Variants in WDPCP observed in about 807,000 individuals in gnomAD.
The protein encoded by WDPCP is WD repeat-containing and planar cell polarity effector protein fritz homolog.
WDPCP carries 71 observed loss-of-function variants against 93.1 expected under a neutral mutation model. The observed-to-expected ratio is 0.76, with a 90% confidence interval of 0.63 to 0.93. The LOEUF is 0.93. Ranked by LOEUF, WDPCP falls within the 40% of genes least tolerant of loss-of-function variation. The pLI is 0.00. For missense variants in WDPCP, 844 were observed against 887.4 expected, an observed-to-expected ratio of 0.95 and a Z score of 0.62; for synonymous variants, 315 against 315.0, an observed-to-expected ratio of 1.00 and a Z score of 0.00.
chr2:63,817,689 T>C (rs1670956594), intron 1 of WDPCP, among the ~76,000 whole-genome samples: 1 of 152,188 alleles, frequency 6.6e-6, no homozygotes, highest in Non-Finnish European at 1.5e-5. Flanking sequence ...AAATATTTAT[T>C]ATCCGTCCCT....
At chr2:63,319,750 T>A (rs948814011) in intron 12 of WDPCP, among the ~76,000 whole-genome samples, 2 of 152,180 alleles carry the variant, frequency 1.3e-5, no homozygotes, top group African/African-American at 2.4e-5. Flanking sequence ...AGTGCTGGGA[T>A]TACAGGCCAC....
chr2:63,621,954 G>A (rs971614810), intron 3 of WDPCP, among the ~76,000 whole-genome samples: 4 of 151,616 alleles, frequency 2.6e-5, no homozygotes, highest in Non-Finnish European at 5.9e-5. Context: ...GTATACATGT[G>A]CCGTACTGGT....
intron 9 of WDPCP, among the ~76,000 whole-genome samples, chr2:63,418,317 A>G (rs974336721): frequency 1.3e-5 from 2 of 152,192 alleles, no homozygotes; most frequent in Non-Finnish European, 2.9e-5. Context: ...AAAGAACGAA[A>G]TATATGGTGT....
In WDPCP at chr2:63,259,392, T is replaced by A. The variant is rs774759797; in HGVS notation, c.1830A>T (p.Ala610=). Reference sequence around the variant, plus strand: ...CTAGTGCCAATTCACCTTTATCTAGTGCAAGGTAATGAATATCCTGAGGAA... The same window carrying A: ...CTAGTGCCAATTCACCTTTATCTAGAGCAAGGTAATGAATATCCTGAGGAA... The part of the protein sequence containing the change: ...RDLFMDIHYL[A]LDKGELALAE... Residue 610 remains alanine, a synonymous_variant, in exon 14 of 18, where the codon GCA becomes GCT. Coordinates refer to ENST00000272321, the MANE Select transcript of WDPCP (RefSeq NM_015910.7). 1 of 1,611,418 alleles carries A rather than the reference T, an allele frequency of 6.2e-7. No individual in the cohort carries two copies. The highest frequency in any genetic ancestry group is 8.5e-7 in the Non-Finnish European group (1 of 1,179,344).
At chr2:63,302,420 CTT>C (rs1685401234) in intron 13 of WDPCP, among the ~76,000 whole-genome samples, 1 of 152,186 alleles carries the variant, frequency 6.6e-6, no homozygotes, top group South Asian at 2.1e-4. Flanking sequence ...AACTACCAGA[CTT>C]TTCTATGGTG....
intron 1 of WDPCP, among the ~76,000 whole-genome samples, chr2:63,529,154 C>G (rs1239763965): frequency 6.6e-6 from 1 of 152,194 alleles, no homozygotes; most frequent in Non-Finnish European, 1.5e-5. Context: ...ATCGTGCCAT[C>G]TGCAAACAGG....
intron 14 of WDPCP, among the ~76,000 whole-genome samples, chr2:63,200,511 A>T (rs911957605): frequency 6.6e-6 from 1 of 152,228 alleles, no homozygotes; most frequent in Admixed American, 6.5e-5. Context: ...ATTCAGCCAT[A>T]AAAAAGAATG....
intron 14 of WDPCP, among the ~76,000 whole-genome samples, chr2:63,208,277 G>T (rs563115662): frequency 9.2e-5 from 14 of 152,148 alleles, no homozygotes; most frequent in African/African-American, 3.4e-4. Flanking sequence ...GCAACCCTTT[G>T]TTCTTGTTCA....
intron 2 of WDPCP, among the ~76,000 whole-genome samples, chr2:63,710,950 T>C (rs1178620913): frequency 6.6e-6 from 1 of 152,158 alleles, no homozygotes; most frequent in East Asian, 1.9e-4. Flanking sequence ...CCAGGGAAGC[T>C]GCAACATCAA....
intron 1 of WDPCP, among the ~76,000 whole-genome samples, chr2:63,566,558 G>A (rs1169656703): frequency 6.6e-6 from 1 of 152,112 alleles, no homozygotes; most frequent in African/African-American, 2.4e-5. Context: ...CTCAACCTTG[G>A]CAAAATAAAC....
chr2:63,786,704 C>T (rs1450420884), intron 2 of WDPCP, among the ~76,000 whole-genome samples: 1 of 152,060 alleles, frequency 6.6e-6, no homozygotes, highest in Non-Finnish European at 1.5e-5. Context: ...TACAGACATA[C>T]GTAAAGCATG....
intron 14 of WDPCP, among the ~76,000 whole-genome samples, chr2:63,194,059 A>AT (rs561622211): frequency 3.9e-4 from 60 of 152,294 alleles, no homozygotes; most frequent in Non-Finnish European, 6.6e-4. Flanking sequence ...ACATACTTTC[A>AT]TTTTTAAATA....
intron 1 of WDPCP, among the ~76,000 whole-genome samples, chr2:63,495,085 T>A (rs180808516): frequency 1.4e-4 from 21 of 152,232 alleles, no homozygotes; most frequent in Admixed American, 1.4e-3. Flanking sequence ...TAAATGCCTT[T>A]AAAGCTAAGA....
chr2:63,148,280 T>G (rs1671660802), intron 17 of WDPCP, among the ~76,000 whole-genome samples: 1 of 152,066 alleles, frequency 6.6e-6, no homozygotes, highest in Non-Finnish European at 1.5e-5. Context: ...TGAGCTGTGA[T>G]CACACCACTG....
chr2:63,588,096 G>A, intron 1 of WDPCP, 101 bp downstream of exon 1: 1 of 1,357,464 alleles, frequency 7.4e-7, no homozygotes, highest in Non-Finnish European at 1.0e-6. Flanking sequence ...CGAGCTTGCA[G>A]GCATCCGCAC....
chr2:63,592,592 C>T (rs1709221164), upstream of WDPCP, among the ~76,000 whole-genome samples: 2 of 152,228 alleles, frequency 1.3e-5, no homozygotes, highest in Admixed American at 6.5e-5. Flanking sequence ...GTGATCCACC[C>T]GCCTTGTCCC....
intron 13 of WDPCP, among the ~76,000 whole-genome samples, chr2:63,272,186 C>A (rs1682715435): frequency 6.6e-6 from 1 of 152,176 alleles, no homozygotes; most frequent in South Asian, 2.1e-4. Flanking sequence ...CTCACTATAC[C>A]TTTCACTAAC....
chr2:63,494,918 T>A (rs1393297549), intron 1 of WDPCP, among the ~76,000 whole-genome samples: 4 of 63,724 alleles, frequency 6.3e-5, no homozygotes, highest in African/African-American at 2.7e-4. Flanking sequence ...AGACTCCGTC[T>A]CAAAAAAAAA....
intron 2 of WDPCP, among the ~76,000 whole-genome samples, chr2:63,710,045 T>C (rs751355405): frequency 6.6e-6 from 1 of 152,204 alleles, no homozygotes; most frequent in African/African-American, 2.4e-5. Context: ...AGTTTCACAA[T>C]AGGAAATTTC....
Sources: gnomAD v4.1 joint callset for allele counts (sites outside exome capture counted in the v4.1 genomes callset) on GRCh38, gnomAD v4.1.1 for gene constraint, MANE v1.5 for transcripts, NCBI Gene and HGNC (gene_info 2026-07-23, HGNC 2026-07-21) for gene names.